RTKN2: variants seen among roughly 807,000 people sequenced by gnomAD.
RTKN2 encodes the protein rhotekin-2.
RTKN2 carries 69 observed loss-of-function variants against 71.5 expected under a neutral mutation model. The ratio of observed to expected loss-of-function variants is 0.96; its 90% confidence interval spans 0.79 to 1.18. The LOEUF (loss-of-function observed/expected upper bound fraction) is 1.18. RTKN2 is among the 50% of genes most tolerant of loss of function. The probability of loss-of-function intolerance (pLI) is 0.00; values close to 1 mark genes in which losing one functional copy is unlikely to be tolerated. For synonymous variants in RTKN2, 236 were observed against 236.5 expected, an observed-to-expected ratio of 1.00 and a Z score of 0.02; for missense variants, 724 against 719.7, an observed-to-expected ratio of 1.01 and a Z score of -0.07.
At chr10:62,206,974 T>C (rs922230587) in intron 9 of RTKN2, among the ~76,000 whole-genome samples, 5 of 151,922 alleles carry the variant, frequency 3.3e-5, no homozygotes, top group African/African-American at 1.2e-4. Context: ...TCAGACTAAT[T>C]GAAGGTTAAA....
intron 2 of RTKN2, among the ~76,000 whole-genome samples, chr10:62,256,099 A>G (rs1842669806): frequency 6.6e-6 from 1 of 151,876 alleles, no homozygotes; most frequent in Admixed American, 6.6e-5. Flanking sequence ...GCTCACTGCA[A>G]TCTCAAGCTT....
At chr10:62,229,776 T>C (rs570059255) in intron 6 of RTKN2, among the ~76,000 whole-genome samples, 15 of 152,320 alleles carry the variant, frequency 9.8e-5, no homozygotes, top group Non-Finnish European at 2.2e-4. Context: ...ATGTTTAAAT[T>C]TTTTTCTTGG....
chr10:62,231,349 TA>T (rs1225643754), intron 6 of RTKN2, among the ~76,000 whole-genome samples: 1 of 152,214 alleles, frequency 6.6e-6, no homozygotes, highest in East Asian at 1.9e-4. Flanking sequence ...TTTAGTAAGC[TA>T]AATTCCACAA....
At chr10:62,251,852 C>T (rs1294401419) in intron 2 of RTKN2, among the ~76,000 whole-genome samples, 1 of 151,782 alleles carries the variant, frequency 6.6e-6, no homozygotes, top group East Asian at 1.9e-4. Flanking sequence ...CTGAAATGAA[C>T]ATTAAAATAT....
At position 62,198,209 on chromosome 10, in the gene RTKN2, T is replaced by A. The variant is rs759776401; in HGVS notation, c.1529A>T (p.Asp510Val). Residue 510 changes from aspartate to valine, a missense_variant, in exon 12 of 12, where the codon GAT (aspartate) becomes GTT (valine). Coordinates refer to ENST00000373789, the MANE Select transcript of RTKN2 (RefSeq NM_145307.4). ...TGATTTTAAGCTGAATGGAAGTTTA[T>A]CAGAAGGAGGAAGGGGAGCTTGTCT... Reference protein sequence around the residue: ...KKRQAPLPPSDKLPFSLKSQS... With the variant: ...KKRQAPLPPSVKLPFSLKSQS... 3 of 1,614,070 alleles carry A rather than the reference T, an allele frequency of 1.9e-6. No individual in the cohort carries two copies. In the East Asian group the frequency reaches 6.7e-5, roughly 36 times the overall value.
intron 5 of RTKN2, chr10:62,238,615 G>A (rs888243643): frequency 1.3e-5 from 2 of 151,902 alleles, no homozygotes; most frequent in Admixed American, 1.3e-4. Context: ...AGCATTTGGG[G>A]ATATGTTTTG....
chr10:62,212,613 G>C (rs1841686315), intron 9 of RTKN2, among the ~76,000 whole-genome samples: 1 of 151,956 alleles, frequency 6.6e-6, no homozygotes. Flanking sequence ...TAAGGTGGGA[G>C]GATCCCTTGT....
chr10:62,249,056 A>G (rs576426511), intron 2 of RTKN2, among the ~76,000 whole-genome samples: 1 of 152,200 alleles, frequency 6.6e-6, no homozygotes, highest in Non-Finnish European at 1.5e-5. Flanking sequence ...TAAATATCTT[A>G]AAAATAAAAT....
At chr10:62,202,445 A>G (rs1841463359) in intron 10 of RTKN2, among the ~76,000 whole-genome samples, 1 of 152,218 alleles carries the variant, frequency 6.6e-6, no homozygotes, top group South Asian at 2.1e-4. Context: ...AAGAGGTTGC[A>G]CCTGTCACTA....
intron 9 of RTKN2, among the ~76,000 whole-genome samples, chr10:62,206,686 T>C (rs560478165): frequency 2.2e-4 from 33 of 152,056 alleles, no homozygotes; most frequent in Non-Finnish European, 4.0e-4. Flanking sequence ...TTTATCATAA[T>C]AGAGTATAAA....
chr10:62,185,675 C>T (rs960792234), intron 8 of RTKN2, among the ~76,000 whole-genome samples: 1 of 152,130 alleles, frequency 6.6e-6, no homozygotes. Flanking sequence ...CATGGTGAGA[C>T]ATCAAAGGAA....
In RTKN2 at chr10:62,197,996, T is replaced by C. The variant is rs771777243; in HGVS notation, c.1742A>G (p.Asn581Ser). 53 of 1,613,876 alleles carry C rather than the reference T, an allele frequency of 3.3e-5. No homozygotes were observed. In the Admixed American group the frequency reaches 8.8e-4, roughly 27 times the overall value. ...AGCTGGCACTGGCTTGGCTTCAAAA[T>C]TGGTTTTAGTGTCTGTGTGCTCACC... Reference protein sequence around the residue: ...SDGEHTDTKTNFEAKPVPAPR... With the variant: ...SDGEHTDTKTSFEAKPVPAPR... The change falls in exon 12 of 12, where the codon AAT becomes AGT. Residue 581 changes from asparagine (N) to serine (S), a missense_variant. Transcript: ENST00000373789.
At chr10:62,245,216 G>A (rs1842454868) in intron 3 of RTKN2, among the ~76,000 whole-genome samples, 2 of 151,978 alleles carry the variant, frequency 1.3e-5, no homozygotes, top group Admixed American at 1.3e-4. Context: ...AGTGGTGAAG[G>A]GTCTCCTAAC....
At chr10:62,237,400 C>T (rs1564518168) in intron 5 of RTKN2, among the ~76,000 whole-genome samples, 1 of 151,892 alleles carries the variant, frequency 6.6e-6, no homozygotes, top group Non-Finnish European at 1.5e-5. Flanking sequence ...GTTTATTTAG[C>T]ATCTAAATGG....
chr10:62,215,095 CA>C (rs1564506422), intron 9 of RTKN2: 1 of 1,464,490 alleles, frequency 6.8e-7, no homozygotes, highest in Non-Finnish European at 9.3e-7. Context: ...CTAATGACTT[CA>C]AAAATATCAT....
chr10:62,193,986 G>A lies in RTKN2; in HGVS notation c.*3922C>T. 1 of 985,146 alleles carries A rather than the reference G, an allele frequency of 1.0e-6. No homozygotes were observed. Among genetic ancestry groups the A allele is most frequent in the Non-Finnish European group, 1.2e-6 (1 of 829,728 alleles). The allele number at this position is 985,146 out of a possible 1,614,324, so 61.0% of individuals were successfully genotyped here. On this transcript the variant is annotated 3_prime_UTR_variant, in exon 12 of 12. Coordinates refer to ENST00000373789, the MANE Select transcript of RTKN2 (RefSeq NM_145307.4). ...CTAGAGGAGCACTTAAAGAGAAAAAGTTAGAAAACGTCTTCATGAATCAGT... is the reference window on the plus strand; with the variant it reads ...CTAGAGGAGCACTTAAAGAGAAAAAATTAGAAAACGTCTTCATGAATCAGT...
At chr10:62,257,232 T>C (rs1037107883) in intron 2 of RTKN2, among the ~76,000 whole-genome samples, 15 of 152,196 alleles carry the variant, frequency 9.9e-5, no homozygotes, top group African/African-American at 3.6e-4. Flanking sequence ...ATCAATTCTA[T>C]TTCACTGATA....
At chr10:62,208,360 ACT>A (rs1841589576) in intron 9 of RTKN2, among the ~76,000 whole-genome samples, 1 of 151,750 alleles carries the variant, frequency 6.6e-6, no homozygotes, top group Non-Finnish European at 1.5e-5. Flanking sequence ...TAAATGGCTG[ACT>A]CTCAGCCTGG....
At chr10:62,226,194 A>G (rs1320056484) in intron 6 of RTKN2, among the ~76,000 whole-genome samples, 1 of 152,136 alleles carries the variant, frequency 6.6e-6, no homozygotes, top group African/African-American at 2.4e-5. Flanking sequence ...TAAAAGAGAG[A>G]GACAAAGAGA....
Sources: allele counts gnomAD v4.1 joint callset (sites outside exome capture counted in the v4.1 genomes callset), GRCh38; gene constraint gnomAD v4.1.1; transcripts MANE v1.5; gene names NCBI Gene and HGNC (gene_info 2026-07-23, HGNC 2026-07-21).